Variants in MACROD2 observed in about 807,000 individuals in gnomAD.
The protein encoded by MACROD2 is mono-ADP ribosylhydrolase 2, also known as ADP-ribose glycohydrolase MACROD2.
A neutral mutation model predicts 70.4 loss-of-function variants in MACROD2; 36 were observed. The observed-to-expected ratio is 0.51, with a 90% CI of 0.39 to 0.68. MACROD2 has a LOEUF of 0.68. MACROD2 is among the 30% of genes least tolerant of loss of function. MACROD2 has a pLI of 0.00. For synonymous variants in MACROD2, 172 were observed against 178.8 expected, an observed-to-expected ratio of 0.96 and a Z score of 0.30; for missense variants, 496 against 538.4, an observed-to-expected ratio of 0.92 and a Z score of 0.78.
chr20:15,963,956 A>G (rs1347561800), intron 12 of MACROD2, among the ~76,000 whole-genome samples: 1 of 152,202 alleles, frequency 6.6e-6, no homozygotes, highest in Admixed American at 6.5e-5. Context: ...AATTCTTTAA[A>G]TATGACATTG....
At chr20:15,173,922 T>C (rs2076440883) in intron 5 of MACROD2, among the ~76,000 whole-genome samples, 1 of 152,228 alleles carries the variant, frequency 6.6e-6, no homozygotes, top group East Asian at 1.9e-4. Context: ...TCCTGAAGCA[T>C]AGACTTCGAG....
intron 5 of MACROD2, among the ~76,000 whole-genome samples, chr20:14,873,851 C>A (rs2073518001): frequency 6.6e-6 from 1 of 152,034 alleles, no homozygotes. Flanking sequence ...AAGAACAAAA[C>A]TCTGTCTCAA....
intron 3 of MACROD2, among the ~76,000 whole-genome samples, chr20:14,172,692 G>A (rs936389178): frequency 6.6e-6 from 1 of 152,078 alleles, no homozygotes; most frequent in African/African-American, 2.4e-5. Flanking sequence ...TATATATTAT[G>A]CGATTTTTTG....
intron 3 of MACROD2, among the ~76,000 whole-genome samples, chr20:14,404,447 G>A (rs568870433): frequency 1.3e-5 from 2 of 151,970 alleles, no homozygotes; most frequent in Admixed American, 6.6e-5. Flanking sequence ...GGTGACATGG[G>A]GAAACCCCAT....
At chr20:14,676,288 C>A (rs6042850) in intron 4 of MACROD2, among the ~76,000 whole-genome samples, 5,428 of 151,744 alleles carry the variant, frequency 0.036, 323 homozygotes, top group African/African-American at 0.12. Flanking sequence ...CATACATCCA[C>A]AACACACTTA....
intron 8 of MACROD2, among the ~76,000 whole-genome samples, chr20:15,809,119 T>A (rs1316657327): frequency 6.6e-6 from 1 of 152,216 alleles, no homozygotes; most frequent in Non-Finnish European, 1.5e-5. Context: ...ATGATTTTGT[T>A]AAAATAATCA....
intron 2 of MACROD2, among the ~76,000 whole-genome samples, chr20:14,005,180 G>T (rs2052796793): frequency 6.6e-6 from 1 of 151,928 alleles, no homozygotes; most frequent in African/African-American, 2.4e-5. Context: ...ATGGAAAGGG[G>T]GAAGCAAGTT....
At chr20:14,376,007 T>G (rs538296968) in intron 3 of MACROD2, among the ~76,000 whole-genome samples, 1 of 152,254 alleles carries the variant, frequency 6.6e-6, no homozygotes, top group African/African-American at 2.4e-5. Context: ...GTAGAAAAAT[T>G]TTGTAATCAA....
chr20:14,717,993 C>G (rs2071416004), intron 5 of MACROD2, among the ~76,000 whole-genome samples: 1 of 152,066 alleles, frequency 6.6e-6, no homozygotes, highest in Non-Finnish European at 1.5e-5. Flanking sequence ...TGCACACACA[C>G]ACGTCTGTGA....
At chr20:14,169,736 A>C (rs765329787) in intron 3 of MACROD2, among the ~76,000 whole-genome samples, 1 of 151,978 alleles carries the variant, frequency 6.6e-6, no homozygotes, top group Admixed American at 6.6e-5. Context: ...TTTGTTATTC[A>C]TTTTACTTAT....
At chr20:14,259,577 A>T (rs976572610) in intron 3 of MACROD2, among the ~76,000 whole-genome samples, 5 of 152,186 alleles carry the variant, frequency 3.3e-5, no homozygotes, top group Admixed American at 1.3e-4. Flanking sequence ...TTTATGTACC[A>T]TTAGTCAAAT....
At chr20:14,503,354 G>A (rs1459343280) in intron 4 of MACROD2, among the ~76,000 whole-genome samples, 1 of 152,186 alleles carries the variant, frequency 6.6e-6, no homozygotes, top group Non-Finnish European at 1.5e-5. Flanking sequence ...CCTGGCAATA[G>A]TCTGGAGCCC....
rs575213963 is a variant in MACROD2 at position 15,261,215 on chromosome 20, G to A, written c.540+31154G>A. Among the ~76,000 whole-genome samples the A allele has an allele frequency of 3.0e-4, 45 of 151,758 alleles. No individual in the cohort carries two copies. In the South Asian group the frequency reaches 6.7e-3, roughly 22 times the overall value. The stretch of plus-strand genomic sequence containing the variant: ...TGGCAGTCGATCATTGGATTTATAC[G>A]GTTTGGCATTGATCTTGGAGAAGGC... On this transcript the variant is annotated intron_variant, in intron 6 of 17. Transcript: ENST00000684519.
chr20:16,003,348 CTGTGTG>C (rs11472125), intron 15 of MACROD2, among the ~76,000 whole-genome samples: 1 of 150,360 alleles, frequency 6.7e-6, no homozygotes, highest in East Asian at 2.0e-4. Context: ...AGTTTGAACC[CTGTGTG>C]TGTGTGTGTG....
At position 14,327,141 on chromosome 20, in the gene MACROD2, A is replaced by G. The variant is rs764610826; in HGVS notation, c.272-166338A>G. 5.0e-6 allele frequency: 8 copies of G among 1,613,816 alleles called. No homozygotes were observed. In the South Asian group the frequency reaches 7.7e-5, roughly 16 times the overall value. Reference sequence around the variant, plus strand: ...CCAGATAGGGAATTTTTGAAAGTGAATCATAAGTGATAGTCCTTATGTTAT... The same window carrying G: ...CCAGATAGGGAATTTTTGAAAGTGAGTCATAAGTGATAGTCCTTATGTTAT... On this transcript the variant is annotated intron_variant, in intron 3 of 17. Coordinates refer to ENST00000684519, the MANE Select transcript of MACROD2 (RefSeq NM_001351661.2).
chr20:14,730,758 C>G (rs149413537), intron 5 of MACROD2, among the ~76,000 whole-genome samples: 4 of 151,798 alleles, frequency 2.6e-5, no homozygotes, highest in Non-Finnish European at 5.9e-5. Flanking sequence ...ATAATAGCAT[C>G]CGTTCATAAG....
intron 8 of MACROD2, among the ~76,000 whole-genome samples, chr20:15,801,127 C>T (rs577685859): frequency 6.7e-6 from 1 of 148,574 alleles, no homozygotes; most frequent in South Asian, 2.1e-4. Context: ...CTTCCCTCCA[C>T]TATTGTCCTG....
At chr20:15,199,160 C>T (rs781604593) in intron 5 of MACROD2, among the ~76,000 whole-genome samples, 2 of 151,786 alleles carry the variant, frequency 1.3e-5, no homozygotes, top group South Asian at 4.2e-4. Context: ...TACTTGAGTC[C>T]AACCCGGCCA....
chr20:15,277,982 C>A (rs964448905), intron 6 of MACROD2, among the ~76,000 whole-genome samples: 6 of 152,092 alleles, frequency 3.9e-5, no homozygotes, highest in Non-Finnish European at 7.4e-5. Context: ...TTAATATGAG[C>A]ATTCAGGAAG....
Sources: allele counts gnomAD v4.1 joint callset (sites outside exome capture counted in the v4.1 genomes callset), GRCh38; gene constraint gnomAD v4.1.1; transcripts MANE v1.5; gene names NCBI Gene and HGNC (gene_info 2026-07-23, HGNC 2026-07-21).